The following DNAJB11 variants were observed in gnomAD, a reference collection of about 807,000 sequenced individuals.
The protein encoded by DNAJB11 is dnaJ homolog subfamily B member 11.
A neutral mutation model predicts 47.2 loss-of-function variants in DNAJB11; 30 were observed. That is an observed-to-expected ratio of 0.64 (90% CI 0.48 to 0.86). DNAJB11 has a LOEUF of 0.86. DNAJB11 is among the 40% of genes least tolerant of loss of function. The pLI is 0.00. For synonymous variants in DNAJB11, 151 were observed against 159.9 expected (o/e 0.94, Z 0.42); for missense variants, 357 against 440.2 (o/e 0.81, Z 1.69).
Position 186,572,082 on chromosome 3 carries a change from C to T in DNAJB11, c.69-13C>T, listed in dbSNP as rs775825031. The T allele has an allele frequency of 4.5e-6, 7 of 1,558,160 alleles. No individual in the cohort carries two copies. Among genetic ancestry groups the T allele is most frequent in the Non-Finnish European group, 6.1e-6 (7 of 1,157,008 alleles). The stretch of plus-strand genomic sequence containing the variant: ...AACTCTTTAATGAAGTATTCTCTCC[C>T]TCTACTTCCCAGACGAGATTTCTAT... On this transcript the variant is annotated splice_polypyrimidine_tract_variant and intron_variant, in intron 1 of 9. Coordinates refer to ENST00000265028, the MANE Select transcript of DNAJB11 (RefSeq NM_016306.6).
intron 4 of DNAJB11, chr3:186,579,402 C>G (rs1040507987): frequency 2.0e-5 from 3 of 152,186 alleles, no homozygotes; most frequent in Non-Finnish European, 4.4e-5. Flanking sequence ...AATTTCAACT[C>G]ATATTTTTAT....
At chr3:186,581,278 A>G in intron 4 of DNAJB11, 93 bp from the exon 5 acceptor site, 1 of 1,402,610 alleles carries the variant, frequency 7.1e-7, no homozygotes, top group Non-Finnish European at 9.7e-7. Flanking sequence ...GGGAAGTTTC[A>G]GTCCAGGCAT....
chr3:186,579,494 T>G (rs1344135068), intron 4 of DNAJB11: 1 of 152,272 alleles, frequency 6.6e-6, no homozygotes, highest in Non-Finnish European at 1.5e-5. Context: ...AGTATTATCA[T>G]GCTTGTTTTA....
intron 3 of DNAJB11, 35 bp downstream of exon 3, chr3:186,575,972 C>A: frequency 6.9e-7 from 1 of 1,445,426 alleles, no homozygotes; most frequent in South Asian, 1.1e-5. Context: ...GTGTTAGTGT[C>A]TGAGAGAGGG....
chr3:186,575,587 T>C (rs1483779763), intron 2 of DNAJB11, among the ~76,000 whole-genome samples: 1 of 152,242 alleles, frequency 6.6e-6, no homozygotes, highest in Non-Finnish European at 1.5e-5. Context: ...TATTATTTTT[T>C]AGTGACTACA....
At position 186,577,756 on chromosome 3, in the gene DNAJB11, C is replaced by G. The variant is rs773990610; in HGVS notation, c.412C>G (p.Leu138Val). ...AAGAGGAAGTGATATTATTGTAGATCTAGAAGTCACTTTGGAAGAAGTATA... is the reference window on the plus strand; with the variant it reads ...AAGAGGAAGTGATATTATTGTAGATGTAGAAGTCACTTTGGAAGAAGTATA... ...IPRGSDIIVD[L>V]EVTLEEVYAG... is the part of the protein sequence containing the mutation. Residue 138 changes from leucine to valine, a missense_variant, in exon 4 of 10, where the codon CTA (leucine) becomes GTA (valine). Transcript: ENST00000265028. 1.9e-6 allele frequency: 3 copies of G among 1,607,224 alleles called. No homozygotes were observed. Among genetic ancestry groups the G allele is most frequent in the South Asian group, 2.2e-5 (2 of 89,724 alleles).
intron 4 of DNAJB11, chr3:186,578,390 G>A (rs1715371705): frequency 6.6e-6 from 1 of 152,096 alleles, no homozygotes; most frequent in Admixed American, 6.6e-5. Flanking sequence ...AATATCTCTT[G>A]GGTGGATATG....
chr3:186,572,368 C>A, intron 2 of DNAJB11, 117 bp downstream of exon 2: 1 of 980,602 alleles, frequency 1.0e-6, no homozygotes, highest in Non-Finnish European at 1.4e-6. Flanking sequence ...TATTTTGAGA[C>A]TGAGTCTCTA....
At chr3:186,573,235 GA>G (rs1021633160) in intron 2 of DNAJB11, among the ~76,000 whole-genome samples, 1 of 152,056 alleles carries the variant, frequency 6.6e-6, no homozygotes, top group African/African-American at 2.4e-5. Flanking sequence ...AATATTTTAG[GA>G]AGACACAAAC....
Position 186,576,670 on chromosome 3 carries a change from C to G in DNAJB11, c.323+733C>G, listed in dbSNP as rs938099953. On this transcript the variant is annotated intron_variant, in intron 3 of 9. Transcript: ENST00000265028. ...GAATCACTGTTGCATATAGTAGTTA[C>G]CACCATTTAGTGCTTGGTTGAGGGG... 2.0e-5 allele frequency among the ~76,000 whole-genome samples: 3 copies of G among 152,118 alleles called. No homozygotes were observed. The East Asian group carries it at 5.8e-4, about 29-fold the overall frequency.
intron 2 of DNAJB11, among the ~76,000 whole-genome samples, chr3:186,574,717 A>C (rs1715205475): frequency 6.6e-6 from 1 of 151,816 alleles, no homozygotes; most frequent in African/African-American, 2.4e-5. Flanking sequence ...TTTTGCCATG[A>C]CTCCTTACAC....
At position 186,585,388 on chromosome 3, in the gene DNAJB11, A is replaced by G. The variant is rs1484710362; in HGVS notation, c.1057A>G (p.Asn353Asp). Residue 353 changes from asparagine (N) to aspartate (D), a missense_variant, in exon 10 of 10, where the codon AAT becomes GAT. Transcript: ENST00000265028. Reference sequence around the variant, plus strand: ...ACAAGGGTCAGTGCAGAAGGTATACAATGGACTGCAAGGATATTGAGAGTG... The same window carrying G: ...ACAAGGGTCAGTGCAGAAGGTATACGATGGACTGCAAGGATATTGAGAGTG... ...LKQGSVQKVYNGLQGY is the reference protein window; with the variant it reads ...LKQGSVQKVYDGLQGY The G allele has an allele frequency of 1.9e-6, 3 of 1,610,958 alleles. No homozygotes were observed. The highest frequency in any genetic ancestry group is 2.5e-6 in the Non-Finnish European group (3 of 1,178,676).
chr3:186,585,533 A>G lies in DNAJB11; in HGVS notation c.*125A>G. 1.7e-6 allele frequency: 1 copy of G among 577,490 alleles called. No individual in the cohort carries two copies. Among genetic ancestry groups the G allele is most frequent in the Non-Finnish European group, 3.0e-6 (1 of 337,856 alleles). 35.8% of individuals were successfully genotyped at this position (577,490 alleles called of 1,614,324 possible). A position where few individuals can be genotyped will look rare whatever the true frequency, so the allele number is the denominator to read the frequency against. ...CAAGTTAGGCTTAATTTTTTTATCT[A>G]ATGATCATCATGAAATGAATAAGAG... On this transcript the variant is annotated 3_prime_UTR_variant, in exon 10 of 10. Transcript: ENST00000265028.
intron 2 of DNAJB11, among the ~76,000 whole-genome samples, chr3:186,572,723 A>T (rs1305542043): frequency 6.6e-6 from 1 of 152,250 alleles, no homozygotes; most frequent in African/African-American, 2.4e-5. Context: ...AAGTTAAAAC[A>T]TGGCAGCAGA....
Position 186,585,399 on chromosome 3 carries a change from A to G in DNAJB11, c.1068A>G (p.Gln356=), listed in dbSNP as rs1411470823. ...GSVQKVYNGL[Q]GY is the part of the protein sequence containing the mutation. ...TGCAGAAGGTATACAATGGACTGCA[A>G]GGATATTGAGAGTGAATAAAATTGG... The change falls in exon 10 of 10, where the codon CAA becomes CAG. Residue 356 remains glutamine (Q), a synonymous_variant. Coordinates refer to ENST00000265028, the MANE Select transcript of DNAJB11 (RefSeq NM_016306.6). 2 of 1,608,122 alleles carry G rather than the reference A, an allele frequency of 1.2e-6. No individual in the cohort carries two copies. The highest frequency in any genetic ancestry group is 1.7e-5 in the Admixed American group (1 of 59,068).
chr3:186,576,753 G>T (rs1233026764), intron 3 of DNAJB11, among the ~76,000 whole-genome samples: 2 of 151,966 alleles, frequency 1.3e-5, no homozygotes, highest in Admixed American at 1.3e-4. Flanking sequence ...AACATGATTA[G>T]GACATCTTTT....
At chr3:186,573,803 T>C (rs1248193792) in intron 2 of DNAJB11, among the ~76,000 whole-genome samples, 2 of 152,264 alleles carry the variant, frequency 1.3e-5, no homozygotes, top group Non-Finnish European at 2.9e-5. Flanking sequence ...TATTTTGCAC[T>C]GTATTTTCCA....
At chr3:186,585,278 G>A in intron 9 of DNAJB11, 66 bp from the exon 10 acceptor site, 1 of 1,312,248 alleles carries the variant, frequency 7.6e-7, no homozygotes, top group Non-Finnish European at 1.1e-6. Flanking sequence ...CTTGAAATAT[G>A]CTCTTTAAAC....
chr3:186,571,240 G>A (rs1348910514), intron 1 of DNAJB11, among the ~76,000 whole-genome samples: 1 of 152,172 alleles, frequency 6.6e-6, no homozygotes, highest in Non-Finnish European at 1.5e-5. Flanking sequence ...ATTGCCAAAC[G>A]GCATTTGGGG....
Sources: allele counts gnomAD v4.1 joint callset (sites outside exome capture counted in the v4.1 genomes callset), GRCh38; gene constraint gnomAD v4.1.1; transcripts MANE v1.5; gene names NCBI Gene and HGNC (gene_info 2026-07-23, HGNC 2026-07-21).